The following CUX1 variants were observed in gnomAD, a reference collection of about 807,000 sequenced individuals.
CUX1 encodes the protein cut like homeobox 1.
A neutral mutation model predicts 158.8 loss-of-function variants in CUX1; 31 were observed. The observed-to-expected ratio is 0.20, with a 90% CI of 0.15 to 0.26. The LOEUF is 0.26. Among genes scored for constraint, CUX1 ranks in the 10% least tolerant of loss-of-function variants. CUX1 has a pLI of 1.00. For synonymous variants in CUX1, 879 were observed against 862.1 expected (o/e 1.02, Z -0.34); for missense variants, 1,589 against 2,014.6 (o/e 0.79, Z 4.04).
intron 2 of CUX1, among the ~76,000 whole-genome samples, chr7:101,989,178 C>T (rs1164841825): frequency 6.6e-5 from 10 of 152,048 alleles, no homozygotes; most frequent in Admixed American, 2.6e-4. Flanking sequence ...CCAGCACCGA[C>T]GTCACCTCAT....
chr7:102,265,371 A>G (rs1480702921), intron 14 of CUX1, among the ~76,000 whole-genome samples: 1 of 145,922 alleles, frequency 6.9e-6, no homozygotes, highest in East Asian at 2.0e-4. Flanking sequence ...AAAAAAAAAG[A>G]GAAAGAAAGA....
In CUX1 at chr7:101,890,135, G is replaced by A. The variant is rs369934364; in HGVS notation, c.31-25980G>A. On this transcript the variant is annotated intron_variant, in intron 1 of 23. Coordinates refer to ENST00000292535, the MANE Select transcript of CUX1 (RefSeq NM_181552.4). ...AACACTGGCTGACATTTGAAGGAAC[G>A]TGCTTCAGTATCAGGGAAGGCCAGC... 5.3e-5 allele frequency among the ~76,000 whole-genome samples: 8 copies of A among 152,300 alleles called. No homozygotes were observed. In the South Asian group the frequency reaches 1.7e-3, roughly 32 times the overall value.
chr7:102,090,056 T>C (rs1458194169), intron 4 of CUX1, among the ~76,000 whole-genome samples: 2 of 152,230 alleles, frequency 1.3e-5, no homozygotes, highest in Non-Finnish European at 2.9e-5. Flanking sequence ...TATCAGTAGA[T>C]CTGTCATGGC....
rs1554535792 is a variant in CUX1 at position 102,243,669 on chromosome 7, AATAATAAT to A, written c.3887+4087_3887+4094del. On this transcript the variant is annotated intron_variant, in intron 23 of 23. Coordinates refer to ENST00000292535, the MANE Select transcript of CUX1 (RefSeq NM_181552.4). Reference sequence around the variant, plus strand: ...TAATAATAATAATAATAATAATAATAATAATAATAAAATAAATGAAGGAGAAGTGAGCA... The same window carrying A: ...TAATAATAATAATAATAATAATAATAAAAATAAATGAAGGAGAAGTGAGCA... Among the ~76,000 whole-genome samples, 180 of 147,244 alleles carry A rather than the reference AATAATAAT, an allele frequency of 1.2e-3. 1 individual carries two copies. Among genetic ancestry groups the A allele is most frequent in the African/African-American group, 4.2e-3 (168 of 40,358 alleles).
intron 20 of CUX1, among the ~76,000 whole-genome samples, chr7:102,219,843 A>G (rs1327572266): frequency 6.6e-6 from 1 of 152,264 alleles, no homozygotes; most frequent in Non-Finnish European, 1.5e-5. Context: ...GTAGGTTTTT[A>G]TATGGGCGAT....
chr7:101,825,493 G>T (rs1793151095), intron 1 of CUX1, among the ~76,000 whole-genome samples: 1 of 152,148 alleles, frequency 6.6e-6, no homozygotes, highest in South Asian at 2.1e-4. Context: ...GAATCGTAAA[G>T]CTACCATCCG....
chr7:101,855,486 G>A (rs1166803122), intron 1 of CUX1, among the ~76,000 whole-genome samples: 1 of 152,240 alleles, frequency 6.6e-6, no homozygotes, highest in East Asian at 1.9e-4. Flanking sequence ...GAATTTACAA[G>A]ATGATGCAAT....
In CUX1 at chr7:102,123,566, G is replaced by GC. The variant is rs1398296583; in HGVS notation, c.674+8295dup. 4.2e-5 allele frequency among the ~76,000 whole-genome samples: 6 copies of GC among 144,440 alleles called. No homozygotes were observed. In the East Asian group the frequency reaches 1.2e-3, roughly 29 times the overall value. The allele number at this position is 144,440 out of a possible 152,430, so 94.8% of individuals were successfully genotyped here. A position where few individuals can be genotyped will look rare whatever the true frequency, so the allele number is the denominator to read the frequency against. ...AGAGCTTGCAGTGAGCCGAGATTGT[G>GC]CCACTGCACTCCAGCCTGGGTGGCA... is the stretch of plus-strand genomic sequence containing the variant. On this transcript the variant is annotated intron_variant, in intron 8 of 23. Coordinates refer to ENST00000292535, the MANE Select transcript of CUX1 (RefSeq NM_181552.4).
At chr7:101,989,791 G>C (rs1814862978) in intron 2 of CUX1, among the ~76,000 whole-genome samples, 1 of 152,224 alleles carries the variant, frequency 6.6e-6, no homozygotes, top group Admixed American at 6.5e-5. Context: ...TGGGTGTACA[G>C]AAGAGTGGGC....
Position 101,823,805 on chromosome 7 carries a change from G to A in CUX1, c.30+6136G>A, listed in dbSNP as rs528581331. Among the ~76,000 whole-genome samples the A allele has an allele frequency of 1.8e-3, 270 of 152,256 alleles. 1 individual carries two copies. The highest frequency in any genetic ancestry group is 6.0e-3 in the African/African-American group (250 of 41,550). ...TAGCTCTTTCTTAAGTGAGTATTGCGAAACAGTGAGAAATAGAATGCCTGT... is the reference window on the plus strand; with the variant it reads ...TAGCTCTTTCTTAAGTGAGTATTGCAAAACAGTGAGAAATAGAATGCCTGT... On this transcript the variant is annotated intron_variant, in intron 1 of 23. Coordinates refer to ENST00000292535, the MANE Select transcript of CUX1 (RefSeq NM_181552.4).
At chr7:102,136,317 TA>T (rs1833897758) in intron 8 of CUX1, among the ~76,000 whole-genome samples, 2 of 151,824 alleles carry the variant, frequency 1.3e-5, no homozygotes, top group South Asian at 4.1e-4. Flanking sequence ...GTTTTTAGTT[TA>T]AAAGAAAAAA....
chr7:102,181,926 T>C (rs74318336), intron 11 of CUX1, among the ~76,000 whole-genome samples: 2 of 152,248 alleles, frequency 1.3e-5, no homozygotes, highest in African/African-American at 4.8e-5. Flanking sequence ...TGAATAAGAC[T>C]TGGCAAATTG....
intron 3 of CUX1, among the ~76,000 whole-genome samples, chr7:102,063,278 A>G (rs981105295): frequency 1.3e-5 from 2 of 150,194 alleles, no homozygotes; most frequent in African/African-American, 2.5e-5. Flanking sequence ...GGAGAAAGAC[A>G]CCTCCCAGGA....
intron 8 of CUX1, among the ~76,000 whole-genome samples, chr7:102,155,399 A>T (rs1342405522): frequency 6.6e-6 from 1 of 151,598 alleles, no homozygotes; most frequent in African/African-American, 2.4e-5. Flanking sequence ...AAAAAAAAAA[A>T]ATTAGGTATG....
chr7:102,115,913 A>G (rs782587182), intron 8 of CUX1, among the ~76,000 whole-genome samples: 20 of 152,286 alleles, frequency 1.3e-4, no homozygotes, highest in Admixed American at 9.8e-4. Context: ...GCTCCTAGCC[A>G]TTGCCTCCTC....
chr7:102,245,926 C>T (rs1284925532), intron 23 of CUX1, among the ~76,000 whole-genome samples: 3 of 150,936 alleles, frequency 2.0e-5, no homozygotes, highest in African/African-American at 7.3e-5. Flanking sequence ...GAGCTGAGAT[C>T]GCACCACTGC....
At chr7:101,919,231 C>CGT (rs771183916) in intron 2 of CUX1, among the ~76,000 whole-genome samples, 30 of 151,996 alleles carry the variant, frequency 2.0e-4, no homozygotes, top group Non-Finnish European at 2.9e-4. Context: ...TGTGACAGTA[C>CGT]GTGTGTGTGT....
At chr7:102,080,105 G>A (rs1238043132) in intron 4 of CUX1, among the ~76,000 whole-genome samples, 1 of 152,200 alleles carries the variant, frequency 6.6e-6, no homozygotes, top group Non-Finnish European at 1.5e-5. Context: ...CGTTAGGCCT[G>A]TTGCCGCCAG....
chr7:102,036,924 C>G (rs1211308101), intron 3 of CUX1, among the ~76,000 whole-genome samples: 1 of 152,218 alleles, frequency 6.6e-6, no homozygotes, highest in Non-Finnish European at 1.5e-5. Context: ...AGTGCACTGG[C>G]TGCTATCTGT....
Sources: gnomAD v4.1 joint callset for allele counts (sites outside exome capture counted in the v4.1 genomes callset) on GRCh38, gnomAD v4.1.1 for gene constraint, MANE v1.5 for transcripts, NCBI Gene and HGNC (gene_info 2026-07-23, HGNC 2026-07-21) for gene names.